EML5: variants seen among roughly 807,000 people sequenced by gnomAD.
EML5 encodes the protein echinoderm microtubule-associated protein-like 5.
In EML5, 120 loss-of-function variants were observed where a neutral mutation model predicts 250.0. The ratio of observed to expected loss-of-function variants is 0.48; its 90% CI spans 0.41 to 0.56. The LOEUF (loss-of-function observed/expected upper bound fraction) is 0.56, where lower values mean the gene tolerates loss of function less well. EML5 is among the 20% of genes least tolerant of loss of function. EML5 has a pLI of 0.00. For synonymous variants in EML5, 771 were observed against 806.5 expected, an observed-to-expected ratio of 0.96 and a Z score of 0.75; for missense variants, 2,006 against 2,437.6, an observed-to-expected ratio of 0.82 and a Z score of 3.73.
rs79437184 is a variant in EML5 at position 88,743,613 on chromosome 14, G to A, written c.525+410C>T. ...GCTCAAAGAGGTTAAATAACTCATA[G>A]CAGGTTAAACAGCTAATAAATGGCA... is the stretch of plus-strand genomic sequence containing the variant. On this transcript the variant is annotated intron_variant, in intron 4 of 43. Transcript: ENST00000554922. Among the ~76,000 whole-genome samples the A allele has an allele frequency of 1.1e-3, 170 of 152,172 alleles. 1 individual carries two copies. Among genetic ancestry groups the A allele is most frequent in the South Asian group, 3.3e-3 (16 of 4,828 alleles).
chr14:88,661,865 A>T (rs772540269), intron 24 of EML5, 35 bp from the exon 25 acceptor site: 9 of 1,576,098 alleles, frequency 5.7e-6, no homozygotes, highest in Non-Finnish European at 7.8e-6. Context: ...AGTTTGGATT[A>T]TCCAAACCTA....
intron 6 of EML5, among the ~76,000 whole-genome samples, chr14:88,737,026 C>T (rs934715323): frequency 6.6e-6 from 1 of 152,078 alleles, no homozygotes; most frequent in Non-Finnish European, 1.5e-5. Context: ...GGTACCCTCT[C>T]CATTGAGAGC....
At chr14:88,648,225 C>A (rs2091448422) in intron 28 of EML5, among the ~76,000 whole-genome samples, 1 of 152,062 alleles carries the variant, frequency 6.6e-6, no homozygotes, top group Admixed American at 6.6e-5. Flanking sequence ...TTGATGACAA[C>A]TAATCATCTA....
rs904883072 is a variant in EML5, at chr14:88,665,216, C to T, written c.3277+121G>A. On this transcript the variant is annotated intron_variant, in intron 22 of 43. Transcript: ENST00000554922. Reference sequence around the variant, plus strand: ...GGGCTTTTACCTCTTGCTACACTGCCTCTTCTAGTAAAAAAGTTAAGTTCT... The same window carrying T: ...GGGCTTTTACCTCTTGCTACACTGCTTCTTCTAGTAAAAAAGTTAAGTTCT... 13 of 1,071,436 alleles carry T rather than the reference C, an allele frequency of 1.2e-5. No individual in the cohort carries two copies. In the African/African-American group the frequency reaches 1.4e-4, roughly 12 times the overall value. The allele number at this position is 1,071,436 out of a possible 1,614,324, so 66.4% of individuals were successfully genotyped here. A position where few individuals can be genotyped will look rare whatever the true frequency, so the allele number is the denominator to read the frequency against.
At chr14:88,700,419 C>A (rs1362473924) in intron 14 of EML5, among the ~76,000 whole-genome samples, 7 of 151,644 alleles carry the variant, frequency 4.6e-5, no homozygotes, top group Admixed American at 3.3e-4. Flanking sequence ...TGGGTGGGAT[C>A]CAAGGAATCA....
chr14:88,711,566 C>T (rs2093408737), intron 10 of EML5, among the ~76,000 whole-genome samples: 1 of 151,782 alleles, frequency 6.6e-6, no homozygotes, highest in Non-Finnish European at 1.5e-5. Flanking sequence ...ATAGAGGAAA[C>T]TGCCCCCATA....
intron 13 of EML5, among the ~76,000 whole-genome samples, chr14:88,703,041 C>T (rs771387860): frequency 2.0e-5 from 3 of 151,916 alleles, no homozygotes; most frequent in Non-Finnish European, 4.4e-5. Context: ...GCCACCATGC[C>T]CAGCCTGAAC....
At chr14:88,762,139 C>T (rs140200844) in intron 1 of EML5, among the ~76,000 whole-genome samples, 7,566 of 152,142 alleles carry the variant, frequency 0.05, 502 homozygotes, top group South Asian at 0.16. Context: ...GTTGCCTGTT[C>T]GCTCTGATGA....
intron 27 of EML5, among the ~76,000 whole-genome samples, chr14:88,656,527 T>A (rs2091877578): frequency 6.6e-6 from 1 of 152,170 alleles, no homozygotes; most frequent in Non-Finnish European, 1.5e-5. Flanking sequence ...GATGATGGGC[T>A]GATGGATGCA....
intron 1 of EML5, among the ~76,000 whole-genome samples, chr14:88,766,728 A>C (rs1222415193): frequency 6.6e-6 from 1 of 152,092 alleles, no homozygotes; most frequent in Non-Finnish European, 1.5e-5. Context: ...CCCTTTTGAA[A>C]ATCACTAATA....
rs766180019 is a variant in EML5 at position 88,657,417 on chromosome 14, G to A, written c.3963C>T (p.Ile1321=). ...LSTNIRPMLG[I]KPHLQQKEPS... ...GTTCTTTTTGTTGTAAATGAGGCTT[G>A]ATTCCTAACATTGGGCGAATATTTG... Residue 1321 remains isoleucine, a synonymous_variant, in exon 27 of 44, where the codon ATC becomes ATT. Transcript: ENST00000554922. 5 of 1,594,700 alleles carry A rather than the reference G, an allele frequency of 3.1e-6. No homozygotes were observed. The Admixed American group carries it at 6.9e-5, about 22-fold the overall frequency.
intron 8 of EML5, among the ~76,000 whole-genome samples, 184 bp from the exon 9 acceptor site, chr14:88,715,379 A>G (rs1019432266): frequency 6.6e-6 from 1 of 152,214 alleles, no homozygotes. Context: ...ACATGGAAAC[A>G]ATATATGCCA....
intron 1 of EML5, among the ~76,000 whole-genome samples, chr14:88,786,284 A>G (rs2094550351): frequency 2.0e-5 from 3 of 152,136 alleles, no homozygotes; most frequent in Admixed American, 1.3e-4. Flanking sequence ...CAAACTATAC[A>G]TATATACATG....
At chr14:88,632,063 A>G (rs775343289) in intron 33 of EML5, among the ~76,000 whole-genome samples, 16 of 152,256 alleles carry the variant, frequency 1.1e-4, no homozygotes, top group Middle Eastern at 3.4e-3. Flanking sequence ...TTCACTCCTT[A>G]TATCTGTGGA....
rs781608905 is a variant in EML5, at chr14:88,616,228, C to G, written c.5811G>C (p.Arg1937Ser). The stretch of plus-strand genomic sequence containing the variant: ...TCACATGGGGCGAATGACCCAAGAA[C>G]CTTTTGTGTTTTGCCTAAAAAACAA... Reference protein sequence around the residue: ...PCPEKFAKHKRFLGHSPHVTN... With the variant: ...PCPEKFAKHKSFLGHSPHVTN... The change falls in exon 43 of 44, where the codon AGG becomes AGC. Residue 1937 changes from arginine (R) to serine (S), a missense_variant. By Grantham distance (110) the Arg-to-Ser change is moderately radical. Transcript: ENST00000554922. 6.2e-7 allele frequency: 1 copy of G among 1,613,850 alleles called. No homozygotes were observed. The highest frequency in any genetic ancestry group is 1.1e-5 in the South Asian group (1 of 91,080).
chr14:88,743,978 C>T (rs1049190835), intron 4 of EML5, 45 bp downstream of exon 4: 2 of 1,330,902 alleles, frequency 1.5e-6, no homozygotes, highest in Admixed American at 2.3e-5. Context: ...TACTTAGCAG[C>T]AGAGAACTAA....
intron 1 of EML5, among the ~76,000 whole-genome samples, chr14:88,769,803 C>G (rs776606973): frequency 1.3e-5 from 2 of 152,082 alleles, no homozygotes; most frequent in African/African-American, 4.8e-5. Context: ...AACCACAGGG[C>G]TCATTTAAGA....
Position 88,642,961 on chromosome 14 carries a change from T to C in EML5, c.4169A>G (p.Tyr1390Cys), listed in dbSNP as rs1448748938. 4.4e-6 allele frequency: 7 copies of C among 1,607,112 alleles called. No homozygotes were observed. Among genetic ancestry groups the C allele is most frequent in the Non-Finnish European group, 5.9e-6 (7 of 1,177,874 alleles). The change falls in exon 31 of 44, where the codon TAT (tyrosine) becomes TGT (cysteine). Residue 1390 changes from tyrosine (Y) to cysteine (C), a missense_variant. Coordinates refer to ENST00000554922, the MANE Select transcript of EML5 (RefSeq NM_183387.3). ...AATTATATCATCACCATCATTTAAA[T>C]AGTGAACATTATTCCTACAGTCTCT... ...RGRDCRNNVH[Y>C]LNDGDDIIYH...
chr14:88,687,253 A>G lies in EML5; in HGVS notation c.2817T>C (p.Tyr939=), dbSNP rs184032666. ...DDSFERCLKT[Y]AIKRAALAPG... The stretch of plus-strand genomic sequence containing the variant: ...GGGCCAATGCAGCTCTTTTTATAGC[A>G]TAGGTCTTGAGACATCTTTCAAAAG... Residue 939 remains tyrosine, a synonymous_variant, in exon 19 of 44, where the codon TAT becomes TAC. Coordinates refer to ENST00000554922, the MANE Select transcript of EML5 (RefSeq NM_183387.3). 1.4e-3 allele frequency: 2,269 copies of G among 1,611,826 alleles called. 1 individual carries two copies. Among genetic ancestry groups the G allele is most frequent in the Non-Finnish European group, 1.6e-3 (1,868 of 1,179,124 alleles).
Sources: gnomAD v4.1 joint callset for allele counts (sites outside exome capture counted in the v4.1 genomes callset) on GRCh38, gnomAD v4.1.1 for gene constraint, MANE v1.5 for transcripts, NCBI Gene and HGNC (gene_info 2026-07-23, HGNC 2026-07-21) for gene names.